Variants in PPM1K observed in about 807,000 individuals in gnomAD.
The protein encoded by PPM1K is protein phosphatase, Mg2+/Mn2+ dependent 1K, also known as protein phosphatase Mn(2+)-dependent 1K.
In PPM1K, 19 loss-of-function variants were observed where a neutral mutation model predicts 32.6. The ratio of observed to expected loss-of-function variants is 0.58; its 90% confidence interval spans 0.41 to 0.86. The LOEUF is 0.86. Among genes scored for constraint, PPM1K ranks in the 40% least tolerant of loss-of-function variants. The pLI is 0.00. For missense variants in PPM1K, 362 were observed against 461.2 expected (o/e 0.78, Z 1.97); for synonymous variants, 159 against 165.3 (o/e 0.96, Z 0.29).
intron 3 of PPM1K, chr4:88,276,883 T>A: frequency 1.1e-6 from 1 of 909,908 alleles, no homozygotes; most frequent in Non-Finnish European, 1.4e-6. Flanking sequence ...AAAACTAAAG[T>A]ACAACATCAG....
intron 1 of PPM1K, among the ~76,000 whole-genome samples, chr4:88,283,094 A>G (rs1732081565): frequency 6.6e-6 from 1 of 152,200 alleles, no homozygotes; most frequent in Non-Finnish European, 1.5e-5. Context: ...CTGCCTAACC[A>G]GAACACCACA....
Position 88,278,351 on chromosome 4 carries a change from GGCA to G in PPM1K, c.230_232del (p.Leu77del). 1 of 1,614,188 alleles carries G rather than the reference GGCA, an allele frequency of 6.2e-7. No individual in the cohort carries two copies. The highest frequency in any genetic ancestry group is 8.5e-7 in the Non-Finnish European group (1 of 1,180,038). ...TGGCTTGCCATACTTAATGCTGGGT[GGCA>G]GCAGAATTGGCTCATCAATGCGGTT... On this transcript the variant is annotated inframe_deletion, in exon 2 of 7. Transcript: ENST00000608933. The surrounding 1 kb of genome is among the most constrained non-coding windows in gnomAD (Gnocchi z 4.2).
At chr4:88,277,856 C>T (rs571064635) in intron 2 of PPM1K, 2 of 462,534 alleles carry the variant, frequency 4.3e-6, no homozygotes, top group Non-Finnish European at 3.9e-6. Context: ...AAATGCTTCT[C>T]ATAGGTTATC....
chr4:88,268,406 AG>A (rs1340677714), intron 4 of PPM1K, 72 bp from the exon 5 acceptor site: 1 of 1,540,204 alleles, frequency 6.5e-7, no homozygotes, highest in Non-Finnish European at 9.0e-7. Flanking sequence ...GCAGATCACG[AG>A]GTCAGGAGAT....
chr4:88,275,364 CA>C (rs1328526425), intron 3 of PPM1K: 2 of 977,342 alleles, frequency 2.0e-6, no homozygotes, highest in East Asian at 2.3e-4. Flanking sequence ...GTTTTTGTGA[CA>C]AAGGTATCTT....
chr4:88,264,710 G>A lies in PPM1K; in HGVS notation c.987+291C>T, dbSNP rs573183990. 9.2e-5 allele frequency among the ~76,000 whole-genome samples: 14 copies of A among 152,248 alleles called. No homozygotes were observed. In the South Asian group the frequency reaches 2.9e-3, roughly 32 times the overall value. ...TACTGTACAATACATACAGTAATGA[G>A]CTAATACATATGAATATTGTCTGAC... On this transcript the variant is annotated intron_variant, in intron 6 of 6. Transcript: ENST00000608933.
Sources: gnomAD v4.1 joint callset for allele counts (sites outside exome capture counted in the v4.1 genomes callset) on GRCh38, gnomAD v4.1.1 for gene constraint, Gnocchi (gnomAD v3.1) non-coding constraint, MANE v1.5 for transcripts, NCBI Gene and HGNC (gene_info 2026-07-23, HGNC 2026-07-21) for gene names.